ZGRF1: variants seen among roughly 807,000 people sequenced by gnomAD.
The protein encoded by ZGRF1 is 5'-3' DNA helicase ZGRF1.
ZGRF1 carries 196 observed loss-of-function variants against 203.5 expected under a neutral mutation model. The observed-to-expected ratio is 0.96, with a 90% CI of 0.86 to 1.08. The LOEUF is 1.08. Among genes scored for constraint, ZGRF1 ranks in the 50% least tolerant of loss-of-function variants. ZGRF1 has a pLI of 0.00. For synonymous variants in ZGRF1, 809 were observed against 841.3 expected (o/e 0.96, Z 0.66); for missense variants, 2,326 against 2,416.3 (o/e 0.96, Z 0.78).
intron 24 of ZGRF1, 23 bp downstream of exon 24, chr4:112,547,262 C>A (rs772546654): frequency 1.3e-6 from 2 of 1,593,768 alleles, no homozygotes; most frequent in Admixed American, 1.8e-5. Context: ...ATGATAATTC[C>A]GTAAGAATTC....
rs1490834626 is a variant in ZGRF1 at position 112,539,444 on chromosome 4, CAT to C, written c.*101_*102del. 27 of 614,876 alleles carry C rather than the reference CAT, an allele frequency of 4.4e-5. No homozygotes were observed. The Admixed American group carries it at 7.5e-4, about 17-fold the overall frequency. The allele number at this position is 614,876 out of a possible 1,614,324, so 38.1% of individuals were successfully genotyped here. A position where few individuals can be genotyped will look rare whatever the true frequency, so the allele number is the denominator to read the frequency against. ...TGTGTTTACTATGTTATTTAAATAT[CAT>C]ATTTTTAATAAGAGGGTTTAGAGTA... is the stretch of plus-strand genomic sequence containing the variant. On this transcript the variant is annotated 3_prime_UTR_variant, in exon 28 of 28. Transcript: ENST00000505019.
At chr4:112,588,961 C>A (rs994693813) in intron 11 of ZGRF1, among the ~76,000 whole-genome samples, 1 of 152,128 alleles carries the variant, frequency 6.6e-6, no homozygotes, top group Admixed American at 6.6e-5. Flanking sequence ...TTCTTGAATA[C>A]CCACTCCGGT....
chr4:112,585,660 T>C lies in ZGRF1; in HGVS notation c.3982A>G (p.Ile1328Val), dbSNP rs1464383125. 3 of 1,609,368 alleles carry C rather than the reference T, an allele frequency of 1.9e-6. No homozygotes were observed. Among genetic ancestry groups the C allele is most frequent in the East Asian group, 4.5e-5 (2 of 44,556 alleles). ...CCCTTCAATGATGTATAAAATGATA[T>C]GTCAACTTTTGAAAGAGCTTTCTGC... is the stretch of plus-strand genomic sequence containing the variant. ...NLQKALSKVD[I>V]SFYTSLKGEK... Residue 1328 changes from isoleucine (I) to valine (V), a missense_variant, in exon 14 of 28, where the codon ATA (isoleucine) becomes GTA (valine). Transcript: ENST00000505019.
At position 112,611,358 on chromosome 4, in the gene ZGRF1, G is replaced by A. The variant is rs190187052; in HGVS notation, c.2667+1166C>T. 1.0e-3 allele frequency among the ~76,000 whole-genome samples: 157 copies of A among 152,102 alleles called. 1 individual carries two copies. The highest frequency in any genetic ancestry group is 6.2e-3 in the East Asian group (32 of 5,158). ...ATGGAGGCTGCAGTGAGCCAAGATC[G>A]TGCCACTGCACTCCAGCCTGGGCGA... On this transcript the variant is annotated intron_variant, in intron 7 of 27. Coordinates refer to ENST00000505019, the MANE Select transcript of ZGRF1 (RefSeq NM_018392.5).
chr4:112,540,955 T>C lies in ZGRF1; in HGVS notation c.5776A>G (p.Ile1926Val), dbSNP rs1200083766. The C allele has an allele frequency of 3.8e-6, 6 of 1,565,878 alleles. No individual in the cohort carries two copies. Among genetic ancestry groups the C allele is most frequent in the Non-Finnish European group, 5.2e-6 (6 of 1,153,352 alleles). ...TTATGAAAGCTGTTATCTCTTTCTA[T>C]CTGGAGTAAGAAATAGATCCTAAAT... ...CFYNVKGLEQ[I>V]ERDNSFHNVA... Residue 1926 changes from isoleucine to valine, a missense_variant and splice_region_variant, in exon 26 of 28, where the codon ATA becomes GTA. By Grantham distance (29) the Ile-to-Val change is conservative. Transcript: ENST00000505019.
chr4:112,553,398 CA>C (rs1740325613), intron 22 of ZGRF1, among the ~76,000 whole-genome samples: 3 of 152,194 alleles, frequency 2.0e-5, no homozygotes. Flanking sequence ...TGGATATATA[CA>C]AACACTAAAA....
intron 16 of ZGRF1, among the ~76,000 whole-genome samples, chr4:112,563,645 A>C (rs1008618722): frequency 3.9e-5 from 6 of 152,268 alleles, no homozygotes; most frequent in Non-Finnish European, 1.5e-5. Flanking sequence ...AGGCCTAAGA[A>C]GGCAGGACAT....
rs572052438 is a variant in ZGRF1 at position 112,569,619 on chromosome 4, G to A, written c.4439-6345C>T. ...TCTGTTTTATTGGGGGCAGGGATAA[G>A]ATTTAAATATCAATTTATTTTTTAA... On this transcript the variant is annotated intron_variant, in intron 16 of 27. Transcript: ENST00000505019. 5.9e-5 allele frequency among the ~76,000 whole-genome samples: 9 copies of A among 152,116 alleles called. No individual in the cohort carries two copies. In the South Asian group the frequency reaches 1.9e-3, roughly 32 times the overall value.
intron 8 of ZGRF1, among the ~76,000 whole-genome samples, chr4:112,607,632 T>C (rs189773302): frequency 6.6e-6 from 1 of 151,992 alleles, no homozygotes; most frequent in African/African-American, 2.4e-5. Context: ...TTTCAGAGAG[T>C]TGTAGTAAGA....
chr4:112,586,489 T>G lies in ZGRF1; in HGVS notation c.3872A>C (p.Gln1291Pro). The change falls in exon 13 of 28, where the codon CAG (glutamine) becomes CCG (proline). Residue 1291 changes from glutamine (Q) to proline (P), a missense_variant. By Grantham distance (76) the Gln-to-Pro change is moderately conservative. Coordinates refer to ENST00000505019, the MANE Select transcript of ZGRF1 (RefSeq NM_018392.5). ...QRQIHIPAVF[Q>P]SPAHYKQTFT... Reference sequence around the variant, plus strand: ...AGTCTGCTTATAATGAGCAGGAGACTGAAAAACAGCTGGTATGTGAATTTG... The same window carrying G: ...AGTCTGCTTATAATGAGCAGGAGACGGAAAAACAGCTGGTATGTGAATTTG... 6.2e-7 allele frequency: 1 copy of G among 1,613,036 alleles called. No homozygotes were observed. Among genetic ancestry groups the G allele is most frequent in the Non-Finnish European group, 8.5e-7 (1 of 1,179,412 alleles).
chr4:112,608,235 T>C (rs796554587), intron 8 of ZGRF1, among the ~76,000 whole-genome samples: 7 of 152,334 alleles, frequency 4.6e-5, no homozygotes, highest in African/African-American at 1.4e-4. Context: ...TTAAAAAATA[T>C]ATGATATCTA....
chr4:112,587,420 G>A lies in ZGRF1; in HGVS notation c.3637C>T (p.Arg1213Trp), dbSNP rs1747372920. The change falls in exon 12 of 28, where the codon CGG becomes TGG. Residue 1213 changes from arginine to tryptophan, a missense_variant. Arg to Trp is a moderately radical substitution (Grantham distance 101). Transcript: ENST00000505019. ...QMIKGMLYQQ[R>W]QDFSSQDSVS... is the part of the protein sequence containing the mutation. ...GAATCTTGACTGCTAAAATCCTGCC[G>A]CTGTTGATAGAGCATGCCTTTTATC... 25 of 1,613,828 alleles carry A rather than the reference G, an allele frequency of 1.5e-5. No homozygotes were observed. Among genetic ancestry groups the A allele is most frequent in the Non-Finnish European group, 1.9e-5 (22 of 1,179,840 alleles).
At chr4:112,552,290 A>G (rs35063522) in intron 22 of ZGRF1, among the ~76,000 whole-genome samples, 3 of 151,062 alleles carry the variant, frequency 2.0e-5, no homozygotes, top group Admixed American at 6.6e-5. Context: ...AAAAAAAAAA[A>G]AGAAAGAAAG....
chr4:112,585,767 A>C, intron 13 of ZGRF1, 42 bp from the exon 14 acceptor site: 1 of 1,461,072 alleles, frequency 6.8e-7, no homozygotes, highest in Non-Finnish European at 9.1e-7. Flanking sequence ...TAAATACAAA[A>C]TAATTTTGTT....
rs1355435941 is a variant in ZGRF1 at position 112,551,574 on chromosome 4, T to TTAGG, written c.5346+2257_5346+2260dup. Among the ~76,000 whole-genome samples the TTAGG allele has an allele frequency of 1.8e-4, 28 of 152,360 alleles. No homozygotes were observed. The East Asian group carries it at 5.2e-3, about 28-fold the overall frequency. On this transcript the variant is annotated intron_variant, in intron 22 of 27. Coordinates refer to ENST00000505019, the MANE Select transcript of ZGRF1 (RefSeq NM_018392.5). The stretch of plus-strand genomic sequence containing the variant: ...ACCACACACAATAGCCCTGTATCAG[T>TTAGG]TAGGTTTTCTTCTTTTGTTAAAAAC...
chr4:112,566,730 G>A (rs1471453891), intron 16 of ZGRF1, among the ~76,000 whole-genome samples: 1 of 151,980 alleles, frequency 6.6e-6, no homozygotes, highest in African/African-American at 2.4e-5. Context: ...CGAGTTGGAG[G>A]GCCTGTTTTG....
At chr4:112,574,719 T>C (rs1185161425) in intron 16 of ZGRF1, among the ~76,000 whole-genome samples, 1 of 152,132 alleles carries the variant, frequency 6.6e-6, no homozygotes, top group Non-Finnish European at 1.5e-5. Context: ...CAACTTAGTG[T>C]ACCTAAGGTC....
At chr4:112,543,213 T>A (rs1738047585) in intron 24 of ZGRF1, among the ~76,000 whole-genome samples, 1 of 151,956 alleles carries the variant, frequency 6.6e-6, no homozygotes, top group Non-Finnish European at 1.5e-5. Context: ...CATATATAGC[T>A]AAAGATCCCC....
At chr4:112,610,622 G>T (rs1488320923) in intron 7 of ZGRF1, 2 of 152,112 alleles carry the variant, frequency 1.3e-5, no homozygotes, top group Non-Finnish European at 2.9e-5. Context: ...ACCCAAGAAA[G>T]AAAGTTGTTC....
Sources: allele counts gnomAD v4.1 joint callset (sites outside exome capture counted in the v4.1 genomes callset), GRCh38; gene constraint gnomAD v4.1.1; transcripts MANE v1.5; gene names NCBI Gene and HGNC (gene_info 2026-07-23, HGNC 2026-07-21).